The following NUDCD3 variants were observed in gnomAD, a reference collection of about 807,000 sequenced individuals.
NUDCD3 encodes NudC domain containing 3.
A neutral mutation model predicts 39.7 loss-of-function variants in NUDCD3; 13 were observed. That is an observed-to-expected ratio of 0.33 (90% CI 0.21 to 0.52). The LOEUF is 0.52. NUDCD3 is among the 20% of genes least tolerant of loss of function. NUDCD3 has a pLI of 0.96. For missense variants in NUDCD3, 453 were observed against 458.1 expected (o/e 0.99, Z 0.10); for synonymous variants, 175 against 172.4 (o/e 1.02, Z -0.12).
At chr7:44,418,756 C>T (rs1048761178) in intron 3 of NUDCD3, among the ~76,000 whole-genome samples, 6 of 152,314 alleles carry the variant, frequency 3.9e-5, no homozygotes, top group South Asian at 4.1e-4. Flanking sequence ...AGTTAGGCAG[C>T]GGGTGCAGCC....
chr7:44,390,196 C>T (rs1798486217), intron 5 of NUDCD3, among the ~76,000 whole-genome samples: 1 of 151,974 alleles, frequency 6.6e-6, no homozygotes, highest in African/African-American at 2.4e-5. Flanking sequence ...GAAATCCCGT[C>T]TCTACTAAAA....
intron 2 of NUDCD3, among the ~76,000 whole-genome samples, chr7:44,469,087 A>C (rs1000186638): frequency 6.8e-6 from 1 of 147,572 alleles, no homozygotes; most frequent in African/African-American, 2.5e-5. Context: ...ATGAACTTTA[A>C]AAAGGGCCAG....
intron 2 of NUDCD3, among the ~76,000 whole-genome samples, chr7:44,456,325 A>G (rs1799901098): frequency 6.6e-6 from 1 of 152,180 alleles, no homozygotes; most frequent in Non-Finnish European, 1.5e-5. Flanking sequence ...AACCAGAAAG[A>G]ATTTAAGGAA....
intron 3 of NUDCD3, 57 bp from the exon 4 acceptor site, chr7:44,404,640 GT>G: frequency 6.3e-7 from 1 of 1,578,388 alleles, no homozygotes; most frequent in Admixed American, 1.7e-5. Context: ...CTGGTGTGCT[GT>G]ACGGTGGGAG....
chr7:44,481,896 C>G (rs1423363158), intron 2 of NUDCD3, among the ~76,000 whole-genome samples: 1 of 152,148 alleles, frequency 6.6e-6, no homozygotes, highest in African/African-American at 2.4e-5. Context: ...TCACCTCTTC[C>G]ACCATTTGAG....
At chr7:44,452,134 G>A (rs1585088263) in intron 2 of NUDCD3, among the ~76,000 whole-genome samples, 1 of 152,318 alleles carries the variant, frequency 6.6e-6, no homozygotes, top group East Asian at 1.9e-4. Context: ...CCAGGGACAA[G>A]CCAACAGGAG....
At chr7:44,388,716 G>A (rs1271752036) in intron 5 of NUDCD3, among the ~76,000 whole-genome samples, 1 of 152,176 alleles carries the variant, frequency 6.6e-6, no homozygotes, top group East Asian at 1.9e-4. Context: ...GGCTGTTGAG[G>A]AGCAGGTCAA....
chr7:44,408,683 T>C (rs1489704724), intron 3 of NUDCD3, among the ~76,000 whole-genome samples: 1 of 152,136 alleles, frequency 6.6e-6, no homozygotes, highest in East Asian at 1.9e-4. Flanking sequence ...TAACCAAAGG[T>C]TTGCAGGAAC....
At position 44,379,676 on chromosome 7, in the gene NUDCD3, G is replaced by A. The variant is rs2116846140; in HGVS notation, c.*6335C>T. ...AGCAAAAGCTTAAGAAGTGACTCTT[G>A]CCATCACATGGCTGACCACCTCTGG... On this transcript the variant is annotated 3_prime_UTR_variant, in exon 6 of 6. Transcript: ENST00000355451. 6.6e-6 allele frequency: 1 copy of A among 152,342 alleles called. No homozygotes were observed. The highest frequency in any genetic ancestry group is 2.1e-4 in the South Asian group (1 of 4,822). The allele number at this position is 152,342 out of a possible 1,614,324, so 9.4% of individuals were successfully genotyped here. A position where few individuals can be genotyped will look rare whatever the true frequency, so the allele number is the denominator to read the frequency against.
At chr7:44,458,514 C>T (rs911415892) in intron 2 of NUDCD3, among the ~76,000 whole-genome samples, 1 of 152,052 alleles carries the variant, frequency 6.6e-6, no homozygotes, top group Non-Finnish European at 1.5e-5. Context: ...AAAAAATTAG[C>T]CAGGCATGGT....
chr7:44,463,957 T>C (rs143240339), intron 2 of NUDCD3, among the ~76,000 whole-genome samples: 2,546 of 152,308 alleles, frequency 0.017, 58 homozygotes, highest in African/African-American at 0.057. Context: ...CTCACGCCTG[T>C]GATCCCAGCA....
At chr7:44,417,675 C>T (rs1799054312) in intron 3 of NUDCD3, among the ~76,000 whole-genome samples, 1 of 152,188 alleles carries the variant, frequency 6.6e-6, no homozygotes, top group African/African-American at 2.4e-5. Context: ...GAAATCAACA[C>T]CTAACCCACT....
rs1798309756 is a variant in NUDCD3, at chr7:44,381,829, C to G, written c.*4182G>C. 1 of 152,374 alleles carries G rather than the reference C, an allele frequency of 6.6e-6. No homozygotes were observed. The highest frequency in any genetic ancestry group is 6.5e-5 in the Admixed American group (1 of 15,292). The allele number at this position is 152,374 out of a possible 1,614,324, so 9.4% of individuals were successfully genotyped here. The stretch of plus-strand genomic sequence containing the variant: ...CCTATCTCCATCAGCACTGAGAAGA[C>G]AGCAAACGCCAGCTTGCCAGGGGTT... On this transcript the variant is annotated 3_prime_UTR_variant, in exon 6 of 6. Transcript: ENST00000355451.
chr7:44,459,927 A>G (rs962885831), intron 2 of NUDCD3, among the ~76,000 whole-genome samples: 69 of 152,246 alleles, frequency 4.5e-4, no homozygotes, highest in African/African-American at 1.7e-3. Context: ...AATATCAATT[A>G]AAGTCCCCAA....
chr7:44,450,337 C>T (rs1799771113), intron 2 of NUDCD3, among the ~76,000 whole-genome samples: 1 of 151,994 alleles, frequency 6.6e-6, no homozygotes. Flanking sequence ...GCTACCACAC[C>T]CAGCTAATTT....
intron 2 of NUDCD3, among the ~76,000 whole-genome samples, chr7:44,453,195 A>G (rs1403483720): frequency 5.9e-5 from 9 of 152,100 alleles, no homozygotes; most frequent in South Asian, 2.1e-4. Context: ...TCTACTAAAA[A>G]TACAAAAATT....
chr7:44,414,979 A>C (rs1345780944), intron 3 of NUDCD3, among the ~76,000 whole-genome samples: 1 of 152,234 alleles, frequency 6.6e-6, no homozygotes, highest in Admixed American at 6.5e-5. Flanking sequence ...TGACTGCACC[A>C]GCCTGCAGGA....
At chr7:44,416,551 G>C (rs1478421567) in intron 3 of NUDCD3, among the ~76,000 whole-genome samples, 1 of 151,538 alleles carries the variant, frequency 6.6e-6, no homozygotes, top group Non-Finnish European at 1.5e-5. Context: ...ATGACATGGG[G>C]AAAAAAAATA....
intron 2 of NUDCD3, chr7:44,484,407 C>T (rs1800560566): frequency 6.6e-6 from 1 of 152,484 alleles, no homozygotes; most frequent in African/African-American, 2.4e-5. Context: ...ACTATCGGCT[C>T]ATTTAAAATT....
Sources: allele counts gnomAD v4.1 joint callset (sites outside exome capture counted in the v4.1 genomes callset), GRCh38; gene constraint gnomAD v4.1.1; transcripts MANE v1.5; gene names NCBI Gene and HGNC (gene_info 2026-07-23, HGNC 2026-07-21).